Variants in CADM2 observed in about 807,000 individuals in gnomAD.
The protein encoded by CADM2 is immunoglobulin superfamily member 4D.
Under a neutral mutation model 49.8 loss-of-function variants are expected in CADM2, and 12 were observed. The ratio of observed to expected loss-of-function variants is 0.24; its 90% CI spans 0.15 to 0.39. The LOEUF is 0.39. CADM2 is among the 10% of genes least tolerant of loss of function. The pLI, the probability that CADM2 is intolerant of heterozygous loss-of-function variation, is 1.00. For synonymous variants in CADM2, 214 were observed against 175.4 expected, an observed-to-expected ratio of 1.22 and a Z score of -1.74; for missense variants, 378 against 492.3, an observed-to-expected ratio of 0.77 and a Z score of 2.20.
chr3:85,783,757 TATC>T (rs1373073771), intron 2 of CADM2, among the ~76,000 whole-genome samples: 1 of 152,230 alleles, frequency 6.6e-6, no homozygotes, highest in Admixed American at 6.5e-5. Context: ...TGGATTATCT[TATC>T]ATTAATTAGG....
At chr3:85,074,827 A>G (rs2036880874) in intron 1 of CADM2, among the ~76,000 whole-genome samples, 1 of 151,982 alleles carries the variant, frequency 6.6e-6, no homozygotes, top group South Asian at 2.1e-4. Flanking sequence ...CATTTCCGGG[A>G]TAGAGATTTT....
At chr3:85,000,014 T>C (rs939146239) in intron 1 of CADM2, among the ~76,000 whole-genome samples, 1 of 152,048 alleles carries the variant, frequency 6.6e-6, no homozygotes, top group Non-Finnish European at 1.5e-5. Flanking sequence ...CAAATTTCGG[T>C]TTTAATGTTT....
intron 8 of CADM2, among the ~76,000 whole-genome samples, chr3:86,056,561 T>C (rs973230288): frequency 6.6e-6 from 1 of 152,170 alleles, no homozygotes; most frequent in African/African-American, 2.4e-5. Context: ...GAAGAAAGGA[T>C]GAGCAGATCA....
intron 1 of CADM2, among the ~76,000 whole-genome samples, chr3:85,158,821 C>T (rs1015455475): frequency 2.6e-5 from 4 of 151,240 alleles, no homozygotes; most frequent in African/African-American, 9.7e-5. Context: ...TGCACATGTA[C>T]CCTAAAACTT....
At chr3:85,443,554 A>G (rs893252560) in intron 1 of CADM2, among the ~76,000 whole-genome samples, 2 of 152,100 alleles carry the variant, frequency 1.3e-5, no homozygotes, top group Admixed American at 1.3e-4. Context: ...TTTTGTCAAG[A>G]TCACCAGTGC....
At position 85,115,101 on chromosome 3, in the gene CADM2, A is replaced by C. The variant is rs759532121; in HGVS notation, c.61+155433A>C. The stretch of plus-strand genomic sequence containing the variant: ...AAGAAAGAAGAGCCAATGATGATTT[A>C]ATAGCCAATTTACTTCTTATAAATT... On this transcript the variant is annotated intron_variant, in intron 1 of 9. Transcript: ENST00000383699. Among the ~76,000 whole-genome samples the C allele has an allele frequency of 6.6e-5, 10 of 152,268 alleles. No individual in the cohort carries two copies. In the South Asian group the frequency reaches 2.1e-3, roughly 32 times the overall value.
chr3:86,052,428 A>G (rs1365951948), intron 8 of CADM2, among the ~76,000 whole-genome samples: 1 of 152,182 alleles, frequency 6.6e-6, no homozygotes, highest in Non-Finnish European at 1.5e-5. Context: ...TTTCTTCAGC[A>G]CAGTTGAAAT....
intron 8 of CADM2, among the ~76,000 whole-genome samples, chr3:85,991,060 T>A (rs1407792315): frequency 6.6e-6 from 1 of 152,160 alleles, no homozygotes; most frequent in Admixed American, 6.5e-5. Flanking sequence ...GTGGGAAAGA[T>A]GCCAATCCCT....
chr3:85,947,604 A>G (rs1486093344), intron 7 of CADM2, among the ~76,000 whole-genome samples: 1 of 151,532 alleles, frequency 6.6e-6, no homozygotes, highest in Non-Finnish European at 1.5e-5. Flanking sequence ...TCTGAGGTCC[A>G]TATGGTTGGT....
chr3:84,970,744 T>C (rs2031374796), intron 1 of CADM2, among the ~76,000 whole-genome samples: 2 of 152,102 alleles, frequency 1.3e-5, no homozygotes, highest in South Asian at 2.1e-4. Context: ...TCATAGCTTC[T>C]ATTAGCACCT....
chr3:85,062,049 G>GTCTC (rs953165411), intron 1 of CADM2, among the ~76,000 whole-genome samples: 3 of 150,860 alleles, frequency 2.0e-5, no homozygotes, highest in Admixed American at 6.6e-5. Context: ...CTCTCTCTCT[G>GTCTC]TCTCTCTCTC....
chr3:85,918,843 T>C (rs1718728803), intron 6 of CADM2, among the ~76,000 whole-genome samples: 1 of 152,190 alleles, frequency 6.6e-6, no homozygotes, highest in East Asian at 1.9e-4. Flanking sequence ...GTAAAATAAC[T>C]TTTTATTTGT....
At chr3:85,772,183 T>G (rs1028645751) in intron 2 of CADM2, among the ~76,000 whole-genome samples, 2 of 151,992 alleles carry the variant, frequency 1.3e-5, no homozygotes, top group African/African-American at 4.8e-5. Flanking sequence ...GGACCAGCTT[T>G]AAAACTGTGC....
At chr3:84,975,384 A>AT (rs548117882) in intron 1 of CADM2, among the ~76,000 whole-genome samples, 19 of 151,600 alleles carry the variant, frequency 1.3e-4, no homozygotes, top group East Asian at 7.7e-4. Context: ...AAGGGATTGC[A>AT]TTTTTTTTCA....
intron 4 of CADM2, 99 bp downstream of exon 4, chr3:85,883,542 A>G (rs1427263149): frequency 1.9e-6 from 2 of 1,040,066 alleles, no homozygotes; most frequent in Non-Finnish European, 2.7e-6. Context: ...TGAAGATTAT[A>G]TGAATAGATA....
intron 1 of CADM2, among the ~76,000 whole-genome samples, chr3:85,685,108 C>T (rs576358645): frequency 2.9e-4 from 44 of 152,212 alleles, no homozygotes; most frequent in African/African-American, 9.1e-4. Context: ...AAAAATTATC[C>T]GGGCTTGGTG....
chr3:85,359,666 A>ATATATATATATATTTTTTTT, intron 1 of CADM2, among the ~76,000 whole-genome samples: 4 of 26,546 alleles, frequency 1.5e-4, no homozygotes, highest in Non-Finnish European at 2.4e-4. Context: ...ATATATATAT[A>ATATATATATATATTTTTTTT]TTTTTTTTTT....
rs542889935 is a variant in CADM2, at chr3:85,264,891, C to T, written c.61+305223C>T. Among the ~76,000 whole-genome samples the T allele has an allele frequency of 1.3e-3, 191 of 152,022 alleles. 1 individual carries two copies. Among genetic ancestry groups the T allele is most frequent in the African/African-American group, 4.2e-3 (173 of 41,476 alleles). ...AAATTCCTGAAATTTTAATAACTGG[C>T]TATTTCAAGCCAATACCAGTTGTTT... On this transcript the variant is annotated intron_variant, in intron 1 of 9. Coordinates refer to ENST00000383699, the MANE Select transcript of CADM2 (RefSeq NM_001167675.2).
intron 1 of CADM2, among the ~76,000 whole-genome samples, chr3:85,704,195 A>G (rs878934307): frequency 6.6e-6 from 1 of 152,178 alleles, no homozygotes; most frequent in Admixed American, 6.5e-5. Context: ...CTTAGTGCCT[A>G]CTACATGACA....
Sources: gnomAD v4.1 joint callset for allele counts (sites outside exome capture counted in the v4.1 genomes callset) on GRCh38, gnomAD v4.1.1 for gene constraint, MANE v1.5 for transcripts, NCBI Gene and HGNC (gene_info 2026-07-23, HGNC 2026-07-21) for gene names.